The following RYR1 variants were observed in gnomAD, a reference collection of about 807,000 sequenced individuals.
The protein encoded by RYR1 is ryanodine receptor 1, also known as central core disease of muscle.
A neutral mutation model predicts 583.5 loss-of-function variants in RYR1; 342 were observed. That is an observed-to-expected ratio of 0.59 (90% CI 0.54 to 0.64). The LOEUF (loss-of-function observed/expected upper bound fraction) is 0.64, where lower values mean the gene tolerates loss of function less well. Among genes scored for constraint, RYR1 ranks in the 30% least tolerant of loss-of-function variants. The pLI is 0.00. For missense variants in RYR1, 6,032 were observed against 6,917.2 expected (o/e 0.87, Z 4.54); for synonymous variants, 2,791 against 2,822.5 (o/e 0.99, Z 0.35).
chr19:38,476,035 A>C (rs539209651), intron 29 of RYR1, among the ~76,000 whole-genome samples: 7 of 147,412 alleles, frequency 4.7e-5, no homozygotes, highest in East Asian at 3.9e-4. Flanking sequence ...TTTTCTTTTT[A>C]TTTTTGAGAT....
Position 38,536,763 on chromosome 19 carries a change from GA to G in RYR1, c.11606del (p.Asn3869ThrfsTer130), listed in dbSNP as rs1971987774. ...TGGCTGCCCCAGTCATCAATCGCCA[GA>G]ACGGTAATTCCCCCAGCCCACCCCC... is the stretch of plus-strand genomic sequence containing the variant. ...NEDGTVINRQNGEKVMADDEF... is the reference protein window; with the variant it reads ...NEDGTVINRQXGEKVMADDEF... On this transcript the variant is annotated frameshift_variant, in exon 83 of 106. Transcript: ENST00000359596. LOFTEE classifies it high-confidence loss of function. The G allele has an allele frequency of 1.2e-6, 2 of 1,613,620 alleles. No individual in the cohort carries two copies. The highest frequency in any genetic ancestry group is 1.7e-6 in the Non-Finnish European group (2 of 1,179,928).
rs1276975195 is a variant in RYR1 at position 38,505,292 on chromosome 19, C to T, written c.8311-17C>T. 3.8e-6 allele frequency: 6 copies of T among 1,581,838 alleles called. No individual in the cohort carries two copies. The South Asian group carries it at 5.6e-5, about 15-fold the overall frequency. On this transcript the variant is annotated splice_polypyrimidine_tract_variant and intron_variant, in intron 52 of 105. Coordinates refer to ENST00000359596, the MANE Select transcript of RYR1 (RefSeq NM_000540.3). Reference sequence around the variant, plus strand: ...AACTGCTGCCTCCCCCTCACCCTGCCTCCCCTCCATCTCTAGATCCAGAAC... The same window carrying T: ...AACTGCTGCCTCCCCCTCACCCTGCTTCCCCTCCATCTCTAGATCCAGAAC...
Position 38,516,133 on chromosome 19 carries a change from A to C in RYR1, c.9601A>C (p.Met3201Leu). Residue 3201 changes from methionine (M) to leucine (L), a missense_variant, in exon 65 of 106, where the codon ATG becomes CTG. By Grantham distance (15) the Met-to-Leu change is conservative. Coordinates refer to ENST00000359596, the MANE Select transcript of RYR1 (RefSeq NM_000540.3). ...GTGCCTGGCCCGTCTGGCAGCAGCC[A>C]TGCCGGTGGCGTTCCTGGAGCCGCA... ...GECLARLAAA[M>L]PVAFLEPQLN... 1.9e-6 allele frequency: 3 copies of C among 1,551,294 alleles called. No individual in the cohort carries two copies. The highest frequency in any genetic ancestry group is 2.6e-6 in the Non-Finnish European group (3 of 1,147,518).
rs1333351564 is a variant in RYR1, at chr19:38,452,973, C to T, written c.1399C>T (p.Leu467=). ...DLQHEEKQSK[L]RSLRNRQSLF... ...GCAGCACGAGGAGAAGCAGAGCAAG[C>T]TGCGAAGCCTGCGCAACCGCCAGAG... The change falls in exon 13 of 106, where the codon CTG becomes TTG. Residue 467 remains leucine (L), a synonymous_variant. Transcript: ENST00000359596. 1 of 1,613,916 alleles carries T rather than the reference C, an allele frequency of 6.2e-7. No homozygotes were observed. The highest frequency in any genetic ancestry group is 8.5e-7 in the Non-Finnish European group (1 of 1,179,860).
Position 38,567,852 on chromosome 19 carries a change from C to G in RYR1, c.13594C>G (p.Pro4532Ala). The change falls in exon 93 of 106, where the codon CCA (proline) becomes GCA (alanine). Residue 4532 changes from proline (P) to alanine (A), a missense_variant. Coordinates refer to ENST00000359596, the MANE Select transcript of RYR1 (RefSeq NM_000540.3). ...GAAGCAAGCACCTCCCTCACCCCCTCCAAAGAAGGAGGAAGCTGGAGGCGA... is the reference window on the plus strand; with the variant it reads ...GAAGCAAGCACCTCCCTCACCCCCTGCAAAGAAGGAGGAAGCTGGAGGCGA... The part of the protein sequence containing the change: ...PKKQAPPSPP[P>A]KKEEAGGEFW... The G allele has an allele frequency of 6.2e-7, 1 of 1,614,094 alleles. No individual in the cohort carries two copies.
intron 78 of RYR1, among the ~76,000 whole-genome samples, chr19:38,533,069 AG>A (rs1971814586): frequency 6.6e-6 from 1 of 151,746 alleles, no homozygotes; most frequent in Non-Finnish European, 1.5e-5. Context: ...GGGGAACCTC[AG>A]GGGGATAAAG....
At position 38,519,279 on chromosome 19, in the gene RYR1, A is replaced by G; in HGVS notation, c.10084A>G (p.Ile3362Val). Residue 3362 changes from isoleucine to valine, a missense_variant, in exon 67 of 106, where the codon ATC (isoleucine) becomes GTC (valine). Transcript: ENST00000359596. ...ELLQSHFIPT[I>V]GRLRKRAGKV... is the part of the protein sequence containing the mutation. ...CCTGCAGTCCCACTTCATCCCAACT[A>G]TCGGGCGGCTGCGCAAGAGGGCAGG... 1 of 1,614,056 alleles carries G rather than the reference A, an allele frequency of 6.2e-7. No homozygotes were observed. The highest frequency in any genetic ancestry group is 8.5e-7 in the Non-Finnish European group (1 of 1,179,976).
rs1477985044 is a variant in RYR1 at position 38,483,274 on chromosome 19, GTCTC to G, written c.4708-12_4708-9del. 2.6e-6 allele frequency: 4 copies of G among 1,562,470 alleles called. No homozygotes were observed. In the South Asian group the frequency reaches 4.7e-5, roughly 18 times the overall value. On this transcript the variant is annotated splice_polypyrimidine_tract_variant and intron_variant, in intron 32 of 105. Transcript: ENST00000359596. This position sits in a 1 kb window ranked among gnomAD's most constrained non-coding sequence, Gnocchi z 6.3. The stretch of plus-strand genomic sequence containing the variant: ...GGGCTGGCCATCTTGACCCATGTGT[GTCTC>G]TCTGCCCTCAGAACATCATGCCGTT...
At chr19:38,538,626 C>T (rs1212010290) in intron 84 of RYR1, 1 of 152,384 alleles carries the variant, frequency 6.6e-6, no homozygotes, top group East Asian at 1.9e-4. Context: ...CCAGAAAAGA[C>T]CTAAGGGAAA....
At chr19:38,459,443 C>A in intron 19 of RYR1, 105 bp downstream of exon 19, 1 of 1,100,608 alleles carries the variant, frequency 9.1e-7, no homozygotes, top group Non-Finnish European at 1.3e-6. Context: ...GACACTGCAG[C>A]CTACCATCAA....
At chr19:38,506,981 GCAGCAGGCAGAA>G in intron 57 of RYR1, 29 bp downstream of exon 57, 1 of 1,612,040 alleles carries the variant, frequency 6.2e-7, no homozygotes, top group Non-Finnish European at 8.5e-7. Flanking sequence ...CCGCGGAAGA[GCAGCAGGCAGAA>G]CACACCCGGC....
At chr19:38,573,343 G>C in intron 96 of RYR1, 36 bp downstream of exon 96, 1 of 1,608,020 alleles carries the variant, frequency 6.2e-7, no homozygotes, top group Non-Finnish European at 8.5e-7. Context: ...GTGGCAGCAG[G>C]AGGGGACCTG....
chr19:38,527,981 G>T (rs906388268), intron 73 of RYR1, 197 bp downstream of exon 73: 4 of 652,374 alleles, frequency 6.1e-6, no homozygotes, highest in African/African-American at 5.5e-5. Context: ...ATCTGGGGGC[G>T]GGACAGGGAA....
At chr19:38,498,226 A>T (rs548733246) in intron 42 of RYR1, among the ~76,000 whole-genome samples, 1 of 152,204 alleles carries the variant, frequency 6.6e-6, no homozygotes, top group African/African-American at 2.4e-5. Context: ...CATCGGTCAC[A>T]ACAAGGGCTC....
rs1170793743 is a variant in RYR1 at position 38,543,991 on chromosome 19, C to T, written c.12012+116C>T. 9.6e-7 allele frequency: 1 copy of T among 1,038,466 alleles called. No homozygotes were observed. Among genetic ancestry groups the T allele is most frequent in the Non-Finnish European group, 1.4e-6 (1 of 692,226 alleles). The allele number at this position is 1,038,466 out of a possible 1,614,324, so 64.3% of individuals were successfully genotyped here. On this transcript the variant is annotated intron_variant, in intron 87 of 105. Transcript: ENST00000359596. This position sits in a 1 kb window ranked among gnomAD's most constrained non-coding sequence, Gnocchi z 4.4. The stretch of plus-strand genomic sequence containing the variant: ...CCGAGTGCTCCCGGCATGTTCCAGA[C>T]TGGTTCCCTCTCAGTGGCCAAATCC...
At chr19:38,514,156 A>G (rs1410429167) in intron 63 of RYR1, among the ~76,000 whole-genome samples, 1 of 151,984 alleles carries the variant, frequency 6.6e-6, no homozygotes, top group Non-Finnish European at 1.5e-5. Context: ...TGGTCTGGGC[A>G]CAGTGGCTCG....
chr19:38,461,759 G>A (rs1285474620), intron 20 of RYR1, among the ~76,000 whole-genome samples: 1 of 141,606 alleles, frequency 7.1e-6, no homozygotes, highest in African/African-American at 2.6e-5. Context: ...GAGAGAGAGA[G>A]AAAGAAAGAA....
chr19:38,512,865 A>C lies in RYR1; in HGVS notation c.9472+382A>C, dbSNP rs1970793230. 6.6e-6 allele frequency among the ~76,000 whole-genome samples: 1 copy of C among 152,006 alleles called. No homozygotes were observed. The highest frequency in any genetic ancestry group is 2.1e-4 in the South Asian group (1 of 4,818). On this transcript the variant is annotated intron_variant, in intron 63 of 105. Transcript: ENST00000359596. The surrounding 1 kb of genome is among the most constrained non-coding windows in gnomAD (Gnocchi z 5.1). ...GAGGCACATGCCTGTAATCCCAGCT[A>C]CTGGGGAGGCTGACAAGGGAGGATC...
At chr19:38,493,537 G>T (rs1475150901) in intron 38 of RYR1, among the ~76,000 whole-genome samples, 1 of 147,640 alleles carries the variant, frequency 6.8e-6, no homozygotes, top group Admixed American at 6.7e-5. Flanking sequence ...TTTTTTTGAG[G>T]CAGGGTCTCA....
Sources: allele counts gnomAD v4.1 joint callset (sites outside exome capture counted in the v4.1 genomes callset), GRCh38; gene constraint gnomAD v4.1.1; non-coding constraint Gnocchi (gnomAD v3.1); transcripts MANE v1.5; gene names NCBI Gene and HGNC (gene_info 2026-07-23, HGNC 2026-07-21).